Variants in TRDN observed in about 807,000 individuals in gnomAD.
TRDN encodes triadin in skeletal muscle.
Under a neutral mutation model 149.7 loss-of-function variants are expected in TRDN, and 161 were observed. That is an observed-to-expected ratio of 1.08 (90% confidence interval 0.95 to 1.23). TRDN has a LOEUF of 1.23. TRDN is among the 50% of genes most tolerant of loss of function. The pLI, the probability that TRDN is intolerant of heterozygous loss-of-function variation, is 0.00. For missense variants in TRDN, 896 were observed against 823.5 expected (o/e 1.09, Z -1.08); for synonymous variants, 294 against 250.5 (o/e 1.17, Z -1.64).
intron 23 of TRDN, among the ~76,000 whole-genome samples, chr6:123,323,038 T>G (rs1010663512): frequency 6.6e-6 from 1 of 152,142 alleles, no homozygotes; most frequent in African/African-American, 2.4e-5. Flanking sequence ...CAGAACATTA[T>G]GTGAACACTC....
At chr6:123,279,786 G>A (rs1667769316) in intron 24 of TRDN, among the ~76,000 whole-genome samples, 1 of 151,804 alleles carries the variant, frequency 6.6e-6, no homozygotes, top group African/African-American at 2.4e-5. Flanking sequence ...TGTTCACTTG[G>A]CTTTTGGGAA....
In TRDN at chr6:123,409,853, T is replaced by A. The variant is rs151014778; in HGVS notation, c.1052-16176A>T. 2.7e-3 allele frequency among the ~76,000 whole-genome samples: 406 copies of A among 152,234 alleles called. 2 individuals are homozygous for A. Among genetic ancestry groups the A allele is most frequent in the African/African-American group, 9.3e-3 (386 of 41,542 alleles). ...AAGACCAGTAAGGGGTGATATTTTATGAAAGTAACAACTGGTATTCAAACA... is the reference window on the plus strand; with the variant it reads ...AAGACCAGTAAGGGGTGATATTTTAAGAAAGTAACAACTGGTATTCAAACA... On this transcript the variant is annotated intron_variant, in intron 12 of 40. Coordinates refer to ENST00000334268, the MANE Select transcript of TRDN (RefSeq NM_006073.4).
At chr6:123,468,073 C>T (rs539315203) in intron 9 of TRDN, among the ~76,000 whole-genome samples, 3 of 152,140 alleles carry the variant, frequency 2.0e-5, no homozygotes, top group Admixed American at 6.5e-5. Context: ...ATTCTTTTCC[C>T]GATAATGTAT....
At chr6:123,519,727 CA>C (rs549575718) in intron 5 of TRDN, among the ~76,000 whole-genome samples, 329 of 140,276 alleles carry the variant, frequency 2.3e-3, no homozygotes, top group African/African-American at 4.5e-3. Context: ...AGTACCCAAC[CA>C]AAAAAAAAAA....
At chr6:123,352,647 A>T in intron 20 of TRDN, 61 bp from the exon 21 acceptor site, 1 of 1,553,314 alleles carries the variant, frequency 6.4e-7, no homozygotes, top group South Asian at 1.2e-5. Context: ...TTCTGCTCAA[A>T]AAAAGCATTT....
intron 9 of TRDN, among the ~76,000 whole-genome samples, chr6:123,473,701 C>T (rs1362673188): frequency 1.3e-5 from 2 of 151,408 alleles, no homozygotes; most frequent in Non-Finnish European, 2.9e-5. Flanking sequence ...AGAGAAAGGT[C>T]GGGTTACCCT....
intron 1 of TRDN, among the ~76,000 whole-genome samples, chr6:123,631,725 T>C (rs12173668): frequency 0.27 from 41,357 of 151,814 alleles, 5,795 homozygotes; most frequent in East Asian, 0.43. Flanking sequence ...CTTAACTCTT[T>C]ATTGTGAAGA....
intron 1 of TRDN, among the ~76,000 whole-genome samples, chr6:123,581,253 C>T (rs886321115): frequency 5.3e-5 from 8 of 152,196 alleles, no homozygotes; most frequent in African/African-American, 1.4e-4. Flanking sequence ...CCTCAGATGT[C>T]AACTCCTTGA....
rs370784838 is a variant in TRDN at position 123,366,118 on chromosome 6, C to T, written c.1321+17G>A. The T allele has an allele frequency of 7.5e-6, 12 of 1,605,896 alleles. No homozygotes were observed. Among genetic ancestry groups the T allele is most frequent in the Non-Finnish European group, 9.4e-6 (11 of 1,173,600 alleles). On this transcript the variant is annotated intron_variant, in intron 20 of 40. Transcript: ENST00000334268. ...TAACTTATAGTTATGACATCTTTATCTTTAAGCTGCATTTACCTTTTTTAA... is the reference window on the plus strand; with the variant it reads ...TAACTTATAGTTATGACATCTTTATTTTTAAGCTGCATTTACCTTTTTTAA...
At chr6:123,572,689 T>A (rs1238649768) in intron 1 of TRDN, among the ~76,000 whole-genome samples, 2 of 152,080 alleles carry the variant, frequency 1.3e-5, no homozygotes, top group Non-Finnish European at 2.9e-5. Flanking sequence ...AATCCAAATA[T>A]TTTTGCCAAA....
At chr6:123,255,017 A>G in intron 37 of TRDN, 64 bp downstream of exon 37, 2 of 934,422 alleles carry the variant, frequency 2.1e-6, no homozygotes, top group Non-Finnish European at 3.3e-6. Flanking sequence ...TAATATTAAT[A>G]TTAAGCAACA....
At chr6:123,246,259 G>A (rs180761091) in intron 38 of TRDN, among the ~76,000 whole-genome samples, 1 of 152,150 alleles carries the variant, frequency 6.6e-6, no homozygotes, top group East Asian at 1.9e-4. Context: ...GAAGGAGATA[G>A]AGACACAAAA....
At chr6:123,431,158 T>C (rs552772215) in intron 12 of TRDN, among the ~76,000 whole-genome samples, 2 of 152,342 alleles carry the variant, frequency 1.3e-5, no homozygotes, top group East Asian at 1.9e-4. Context: ...CGCTGTCATC[T>C]GAACGCAGAT....
chr6:123,457,492 T>TAGATA (rs1317243314), intron 10 of TRDN: 49 of 384,688 alleles, frequency 1.3e-4, no homozygotes, highest in African/African-American at 1.0e-3. Flanking sequence ...GATACAAGTT[T>TAGATA]CTTGTCTATT....
At chr6:123,265,160 T>C (rs1209223382) in intron 33 of TRDN, among the ~76,000 whole-genome samples, 158 bp downstream of exon 33, 2 of 152,022 alleles carry the variant, frequency 1.3e-5, no homozygotes, top group African/African-American at 4.8e-5. Context: ...GTGCACACAA[T>C]ATCCTTTGTC....
At chr6:123,294,887 TAG>T (rs1778140360) in intron 24 of TRDN, among the ~76,000 whole-genome samples, 1 of 152,162 alleles carries the variant, frequency 6.6e-6, no homozygotes, top group Non-Finnish European at 1.5e-5. Context: ...AGCAGGTATC[TAG>T]AGATTTTTAC....
At chr6:123,474,815 C>T (rs866356687) in intron 9 of TRDN, among the ~76,000 whole-genome samples, 10 of 152,026 alleles carry the variant, frequency 6.6e-5, no homozygotes, top group Middle Eastern at 3.2e-3. Flanking sequence ...CAACCTGCTC[C>T]TGAATGACTA....
chr6:123,333,041 A>G (rs982059911), intron 22 of TRDN, among the ~76,000 whole-genome samples: 1 of 151,982 alleles, frequency 6.6e-6, no homozygotes, highest in African/African-American at 2.4e-5. Context: ...AAATAGTGCT[A>G]TTTTTCCATA....
intron 13 of TRDN, among the ~76,000 whole-genome samples, chr6:123,392,232 C>A (rs1772509998): frequency 6.6e-6 from 1 of 151,982 alleles, no homozygotes; most frequent in South Asian, 2.1e-4. Flanking sequence ...TAGTTTAAAT[C>A]TTGAATGGTT....
Sources: gnomAD v4.1 joint callset for allele counts (sites outside exome capture counted in the v4.1 genomes callset) on GRCh38, gnomAD v4.1.1 for gene constraint, MANE v1.5 for transcripts, NCBI Gene and HGNC (gene_info 2026-07-23, HGNC 2026-07-21) for gene names.